PPP1R13B: variants seen among roughly 807,000 people sequenced by gnomAD.
The protein encoded by PPP1R13B is protein phosphatase 1 regulatory subunit 13B, also known as apoptosis-stimulating of p53 protein 1.
A neutral mutation model predicts 119.8 loss-of-function variants in PPP1R13B; 44 were observed. The observed-to-expected ratio is 0.37, with a 90% CI of 0.29 to 0.47. PPP1R13B has a LOEUF of 0.47. PPP1R13B is among the 20% of genes least tolerant of loss of function. The pLI, the probability that PPP1R13B is intolerant of heterozygous loss-of-function variation, is 0.99. For missense variants in PPP1R13B, 1,227 were observed against 1,413.5 expected (o/e 0.87, Z 2.12); for synonymous variants, 542 against 561.5 (o/e 0.97, Z 0.49).
chr14:103,815,147 A>C (rs919119583), intron 1 of PPP1R13B, among the ~76,000 whole-genome samples: 2 of 152,206 alleles, frequency 1.3e-5, no homozygotes, highest in Non-Finnish European at 2.9e-5. Context: ...TGAAGCTTGG[A>C]AACATTAAGC....
At position 103,746,480 on chromosome 14, in the gene PPP1R13B, G is replaced by C. The variant is rs187960496; in HGVS notation, c.1043C>G (p.Pro348Arg). 7 of 1,614,086 alleles carry C rather than the reference G, an allele frequency of 4.3e-6. No homozygotes were observed. The East Asian group carries it at 1.6e-4, about 36-fold the overall frequency. ...STSGRVAAVG[P>R]YIQVPSAGSF... Reference sequence around the variant, plus strand: ...TCCGGCACTGGGAACCTGGATATAAGGCCCCACAGCAGCGACCCTGCCCGA... The same window carrying C: ...TCCGGCACTGGGAACCTGGATATAACGCCCCACAGCAGCGACCCTGCCCGA... Residue 348 changes from proline (P) to arginine (R), a missense_variant, in exon 9 of 17, where the codon CCT (proline) becomes CGT (arginine). By Grantham distance (103) the Pro-to-Arg change is moderately radical (BLOSUM62 -2). Coordinates refer to ENST00000202556, the MANE Select transcript of PPP1R13B (RefSeq NM_015316.3).
intron 4 of PPP1R13B, chr14:103,764,194 T>G (rs958145642): frequency 6.3e-6 from 1 of 159,348 alleles, no homozygotes; most frequent in African/African-American, 2.4e-5. Context: ...ACTGCCAAAC[T>G]GTTCTCCAAA....
intron 1 of PPP1R13B, among the ~76,000 whole-genome samples, chr14:103,814,149 G>A (rs534166841): frequency 3.9e-5 from 6 of 152,200 alleles, no homozygotes; most frequent in South Asian, 2.1e-4. Context: ...TGGAGTTCAC[G>A]ACCAGCCTGG....
intron 7 of PPP1R13B, among the ~76,000 whole-genome samples, chr14:103,750,517 A>G (rs2084513258): frequency 6.6e-6 from 1 of 152,218 alleles, no homozygotes; most frequent in Non-Finnish European, 1.5e-5. Flanking sequence ...ACTCAACAGG[A>G]CGTAAAATGT....
At chr14:103,754,719 C>T (rs1308003192) in intron 5 of PPP1R13B, among the ~76,000 whole-genome samples, 2 of 151,880 alleles carry the variant, frequency 1.3e-5, no homozygotes, top group Non-Finnish European at 2.9e-5. Flanking sequence ...AATTACTGGG[C>T]GTACCTAAGT....
At chr14:103,739,737 C>T (rs1413620911) in intron 12 of PPP1R13B, 87 bp downstream of exon 12, 2 of 1,432,294 alleles carry the variant, frequency 1.4e-6, no homozygotes, top group South Asian at 1.4e-5. Context: ...CTGCTCCCAG[C>T]ACAGCCTGAC....
At chr14:103,741,490 G>A (rs2084257185) in intron 11 of PPP1R13B, among the ~76,000 whole-genome samples, 1 of 152,176 alleles carries the variant, frequency 6.6e-6, no homozygotes, top group African/African-American at 2.4e-5. Context: ...CGAAACAGAA[G>A]GAAAAGAGGA....
intron 1 of PPP1R13B, among the ~76,000 whole-genome samples, chr14:103,814,127 T>A (rs2086222303): frequency 6.6e-6 from 1 of 152,106 alleles, no homozygotes; most frequent in South Asian, 2.1e-4. Context: ...GGCGGATGGA[T>A]CACCTGAGGT....
chr14:103,745,846 TG>T (rs1219505030), intron 9 of PPP1R13B, among the ~76,000 whole-genome samples: 3 of 152,226 alleles, frequency 2.0e-5, no homozygotes, highest in African/African-American at 7.2e-5. Context: ...GTTTCACTCT[TG>T]TTGCCCAGGC....
intron 1 of PPP1R13B, among the ~76,000 whole-genome samples, chr14:103,836,274 G>A (rs1266593894): frequency 6.7e-6 from 1 of 148,988 alleles, no homozygotes; most frequent in Non-Finnish European, 1.5e-5. Flanking sequence ...TCGAATTCCT[G>A]ACCTCAGGTG....
At chr14:103,759,871 C>A (rs959730095) in intron 4 of PPP1R13B, among the ~76,000 whole-genome samples, 3 of 152,282 alleles carry the variant, frequency 2.0e-5, no homozygotes, top group Non-Finnish European at 2.9e-5. Context: ...TTTGCCAATA[C>A]ATACATTTAT....
chr14:103,734,099 T>G lies in PPP1R13B; in HGVS notation c.*1055A>C. On this transcript the variant is annotated 3_prime_UTR_variant, in exon 17 of 17. Transcript: ENST00000202556. ...CCTGTACGTACAATTCACACCTCAG[T>G]GAAGCGCCCTCCTTGCCTTGAGGCT... The G allele has an allele frequency of 4.9e-6, 1 of 205,918 alleles. No individual in the cohort carries two copies. Among genetic ancestry groups the G allele is most frequent in the East Asian group, 1.1e-4 (1 of 9,438 alleles). 12.8% of individuals were successfully genotyped at this position (205,918 alleles called of 1,614,324 possible).
chr14:103,817,932 C>T (rs2086317738), intron 1 of PPP1R13B, among the ~76,000 whole-genome samples: 1 of 151,760 alleles, frequency 6.6e-6, no homozygotes, highest in African/African-American at 2.4e-5. Flanking sequence ...AAAAACCCAA[C>T]TATTCAAGTT....
intron 3 of PPP1R13B, among the ~76,000 whole-genome samples, chr14:103,784,249 T>TA (rs1263557217): frequency 2.6e-5 from 4 of 151,964 alleles, no homozygotes; most frequent in Admixed American, 6.6e-5. Flanking sequence ...TTAATTAACT[T>TA]AGAGTCCTGA....
chr14:103,837,925 C>T (rs1192467304), intron 1 of PPP1R13B, among the ~76,000 whole-genome samples: 3 of 152,086 alleles, frequency 2.0e-5, no homozygotes, highest in Non-Finnish European at 4.4e-5. Flanking sequence ...TCAAGACCAG[C>T]CTGGACAACA....
chr14:103,736,247 G>A, intron 15 of PPP1R13B, 45 bp from the exon 16 acceptor site: 1 of 1,586,992 alleles, frequency 6.3e-7, no homozygotes, highest in Non-Finnish European at 8.6e-7. Context: ...AGGGTGGCCT[G>A]CAGCAAGGGA....
At position 103,738,614 on chromosome 14, in the gene PPP1R13B, G is replaced by T. The variant is rs1057064815; in HGVS notation, c.2864+65C>A. 2.1e-5 allele frequency: 34 copies of T among 1,595,864 alleles called. No individual in the cohort carries two copies. In the Admixed American group the frequency reaches 5.5e-4, roughly 26 times the overall value. ...CGTGCTTCCTAATTGTCTAGAACAC[G>T]CCTGTTTTCCTTATGCAAAGCAGGG... On this transcript the variant is annotated intron_variant, in intron 14 of 16. Transcript: ENST00000202556. The surrounding 1 kb of genome is among the most constrained non-coding windows in gnomAD (Gnocchi z 5.6).
At chr14:103,803,061 G>A (rs937725929) in intron 1 of PPP1R13B, among the ~76,000 whole-genome samples, 2 of 152,084 alleles carry the variant, frequency 1.3e-5, no homozygotes, top group East Asian at 3.9e-4. Context: ...CTGAAAAGCC[G>A]TGTGACTGCT....
chr14:103,827,686 C>T (rs2086580275), intron 1 of PPP1R13B, among the ~76,000 whole-genome samples: 1 of 147,740 alleles, frequency 6.8e-6, no homozygotes, highest in Non-Finnish European at 1.5e-5. Context: ...ATATGATATA[C>T]TATATCATTA....
Sources: gnomAD v4.1 joint callset for allele counts (sites outside exome capture counted in the v4.1 genomes callset) on GRCh38, gnomAD v4.1.1 for gene constraint, Gnocchi (gnomAD v3.1) non-coding constraint, MANE v1.5 for transcripts, NCBI Gene and HGNC (gene_info 2026-07-23, HGNC 2026-07-21) for gene names.